Variants in NEDD4L observed in about 807,000 individuals in gnomAD.
NEDD4L encodes NEDD4 like E3 ubiquitin protein ligase, also known as E3 ubiquitin-protein ligase NEDD4-like.
NEDD4L carries 54 observed loss-of-function variants against 148.9 expected under a neutral mutation model. The ratio of observed to expected loss-of-function variants is 0.36; its 90% CI spans 0.29 to 0.45. NEDD4L has a LOEUF of 0.45. Ranked by LOEUF, NEDD4L falls within the 20% of genes least tolerant of loss-of-function variation. The pLI is 1.00. For missense variants in NEDD4L, 856 were observed against 1,233.8 expected, an observed-to-expected ratio of 0.69 and a Z score of 4.59; for synonymous variants, 433 against 440.7, an observed-to-expected ratio of 0.98 and a Z score of 0.22.
chr18:58,136,532 C>G (rs745487083), intron 1 of NEDD4L, among the ~76,000 whole-genome samples: 2 of 152,106 alleles, frequency 1.3e-5, no homozygotes, highest in Admixed American at 6.6e-5. Flanking sequence ...GGGAGGAACC[C>G]AGGAGCTACT....
chr18:58,228,120 C>T (rs1010142808), intron 2 of NEDD4L, among the ~76,000 whole-genome samples: 1 of 152,208 alleles, frequency 6.6e-6, no homozygotes, highest in East Asian at 1.9e-4. Context: ...ACCCTAGGGC[C>T]ATCTCAGTGC....
At chr18:58,340,734 A>G (rs183889568) in intron 13 of NEDD4L, among the ~76,000 whole-genome samples, 2 of 152,188 alleles carry the variant, frequency 1.3e-5, no homozygotes, top group Admixed American at 6.5e-5. Context: ...AGAACAGATG[A>G]TAATGTTTTT....
At chr18:58,387,639 A>G (rs2049215769) in intron 27 of NEDD4L, 141 bp downstream of exon 27, 2 of 1,000,324 alleles carry the variant, frequency 2.0e-6, no homozygotes, top group South Asian at 2.1e-5. Context: ...TGTCTCTTAT[A>G]GGGCTTATTT....
rs1357518943 is a variant in NEDD4L at position 58,333,874 on chromosome 18, A to G, written c.1047A>G (p.Glu349=). The change falls in exon 12 of 31, where the codon GAA becomes GAG. Residue 349 remains glutamate (E), a synonymous_variant. Coordinates refer to ENST00000400345, the MANE Select transcript of NEDD4L (RefSeq NM_001144967.3). ...GCAGTGTCACCGACGCAGTTGCAGA[A>G]CAGGGCCATCTACCACCGGTAACCC... ...RSCSVTDAVA[E]QGHLPPPSAP... 6.2e-7 allele frequency: 1 copy of G among 1,613,468 alleles called. No individual in the cohort carries two copies. The highest frequency in any genetic ancestry group is 8.5e-7 in the Non-Finnish European group (1 of 1,179,582).
Position 58,248,891 on chromosome 18 carries a change from T to A in NEDD4L, c.205-8T>A. On this transcript the variant is annotated splice_region_variant and splice_polypyrimidine_tract_variant and intron_variant, in intron 3 of 30. Transcript: ENST00000400345. ...CTAAAAGATACTACAAGATAATTTC[T>A]CTTCCAGACACTGAACCCAAAATGG... 3 of 1,451,538 alleles carry A rather than the reference T, an allele frequency of 2.1e-6. No individual in the cohort carries two copies. Among genetic ancestry groups the A allele is most frequent in the Non-Finnish European group, 2.8e-6 (3 of 1,055,730 alleles). The allele number at this position is 1,451,538 out of a possible 1,614,324, so 89.9% of individuals were successfully genotyped here.
intron 1 of NEDD4L, among the ~76,000 whole-genome samples, chr18:58,165,045 T>C (rs903788724): frequency 6.6e-6 from 1 of 152,228 alleles, no homozygotes; most frequent in Non-Finnish European, 1.5e-5. Flanking sequence ...GTCCTAAATG[T>C]CGTAGCCCTT....
chr18:58,095,371 C>G (rs2084326351), intron 1 of NEDD4L, among the ~76,000 whole-genome samples: 1 of 152,174 alleles, frequency 6.6e-6, no homozygotes, highest in South Asian at 2.1e-4. Flanking sequence ...GAAGAATTCC[C>G]AGGGTGAACA....
At chr18:58,233,741 G>A (rs2045542368) in intron 2 of NEDD4L, among the ~76,000 whole-genome samples, 1 of 152,206 alleles carries the variant, frequency 6.6e-6, no homozygotes, top group Non-Finnish European at 1.5e-5. Context: ...CTATGAACTA[G>A]GTGGCTAACA....
intron 5 of NEDD4L, among the ~76,000 whole-genome samples, chr18:58,311,289 T>C (rs2057668263): frequency 6.6e-6 from 1 of 152,260 alleles, no homozygotes; most frequent in Non-Finnish European, 1.5e-5. Context: ...ATACTTCCTG[T>C]GTACCATTTG....
intron 5 of NEDD4L, among the ~76,000 whole-genome samples, chr18:58,304,710 A>G (rs1420657913): frequency 6.6e-6 from 1 of 152,204 alleles, no homozygotes; most frequent in African/African-American, 2.4e-5. Flanking sequence ...TCCAAAACCC[A>G]TCCGCTTTCC....
intron 20 of NEDD4L, 66 bp from the exon 21 acceptor site, chr18:58,365,933 T>C: frequency 8.6e-7 from 1 of 1,169,496 alleles, no homozygotes; most frequent in South Asian, 1.7e-5. Flanking sequence ...TTTGCTGTTG[T>C]TTTTATTAGA....
intron 2 of NEDD4L, among the ~76,000 whole-genome samples, chr18:58,177,841 G>A (rs2038359307): frequency 6.6e-6 from 1 of 152,202 alleles, no homozygotes; most frequent in Admixed American, 6.5e-5. Context: ...TGGGGGAGAA[G>A]CCTGGAAGCT....
chr18:58,394,312 A>C (rs1385627761), intron 30 of NEDD4L, among the ~76,000 whole-genome samples: 1 of 152,250 alleles, frequency 6.6e-6, no homozygotes, highest in Non-Finnish European at 1.5e-5. Flanking sequence ...TGAAGCATTA[A>C]GCAGCATGAT....
At chr18:58,304,468 T>C (rs902160363) in intron 5 of NEDD4L, among the ~76,000 whole-genome samples, 2 of 152,194 alleles carry the variant, frequency 1.3e-5, no homozygotes, top group African/African-American at 2.4e-5. Flanking sequence ...GAGCTATGTT[T>C]GTGACACTGC....
chr18:58,068,579 A>G (rs1168584290), intron 1 of NEDD4L, among the ~76,000 whole-genome samples: 1 of 152,242 alleles, frequency 6.6e-6, no homozygotes, highest in Non-Finnish European at 1.5e-5. Context: ...CAGCAGATGG[A>G]AAAATGATTT....
At chr18:58,215,356 T>C (rs2043060707) in intron 2 of NEDD4L, among the ~76,000 whole-genome samples, 1 of 152,188 alleles carries the variant, frequency 6.6e-6, no homozygotes, top group South Asian at 2.1e-4. Context: ...AAACATCTCA[T>C]TTTATGTCTT....
chr18:58,175,497 A>G (rs145331204), intron 2 of NEDD4L, among the ~76,000 whole-genome samples: 3 of 152,364 alleles, frequency 2.0e-5, no homozygotes, highest in African/African-American at 7.2e-5. Context: ...TCTGTCTGTG[A>G]TCTGCAGGCT....
At chr18:58,056,568 G>A (rs1352277946) in intron 1 of NEDD4L, among the ~76,000 whole-genome samples, 1 of 152,072 alleles carries the variant, frequency 6.6e-6, no homozygotes, top group Non-Finnish European at 1.5e-5. Context: ...CACTGACAGA[G>A]CTATGCCTTT....
chr18:58,287,561 A>G (rs977049844), intron 5 of NEDD4L, among the ~76,000 whole-genome samples: 1 of 152,222 alleles, frequency 6.6e-6, no homozygotes, highest in Non-Finnish European at 1.5e-5. Flanking sequence ...TTCATAGAAC[A>G]GAATCTAAAC....
Sources: allele counts gnomAD v4.1 joint callset (sites outside exome capture counted in the v4.1 genomes callset), GRCh38; gene constraint gnomAD v4.1.1; transcripts MANE v1.5; gene names NCBI Gene and HGNC (gene_info 2026-07-23, HGNC 2026-07-21).